The following MMP26 variants were observed in gnomAD, a reference collection of about 807,000 sequenced individuals.
MMP26 encodes matrix metalloproteinase-26.
MMP26 carries 33 observed loss-of-function variants against 31.0 expected under a neutral mutation model. That is an observed-to-expected ratio of 1.06 (90% CI 0.81 to 1.42). The LOEUF (loss-of-function observed/expected upper bound fraction) is 1.42. Ranked by LOEUF, MMP26 falls within the 40% of genes most tolerant of loss-of-function variation. The pLI is 0.00. For missense variants in MMP26, 347 were observed against 316.1 expected, an observed-to-expected ratio of 1.10 and a Z score of -0.74; for synonymous variants, 122 against 114.9, an observed-to-expected ratio of 1.06 and a Z score of -0.40.
At chr11:4,906,629 A>G (rs1850893770) in intron 2 of MMP26, among the ~76,000 whole-genome samples, 1 of 152,166 alleles carries the variant, frequency 6.6e-6, no homozygotes, top group African/African-American at 2.4e-5. Flanking sequence ...TTATTTTCTT[A>G]GACTATTTCT....
At chr11:4,847,491 A>G (rs1849888808) in intron 2 of MMP26, 2 of 152,228 alleles carry the variant, frequency 1.3e-5, no homozygotes, top group African/African-American at 4.8e-5. Flanking sequence ...TTTTAAACTG[A>G]CAATAATTAT....
At chr11:4,905,784 C>T (rs1325026817) in intron 2 of MMP26, among the ~76,000 whole-genome samples, 4 of 151,972 alleles carry the variant, frequency 2.6e-5, no homozygotes, top group Non-Finnish European at 5.9e-5. Flanking sequence ...TACCTGTTTA[C>T]CTTGAAGGCC....
intron 2 of MMP26, among the ~76,000 whole-genome samples, chr11:4,835,756 G>A (rs1849710326): frequency 6.6e-6 from 1 of 152,246 alleles, no homozygotes; most frequent in South Asian, 2.1e-4. Context: ...GCAGCTTTCT[G>A]TCTATAAAAT....
chr11:4,931,197 C>T lies in MMP26; in HGVS notation c.-144-56871C>T, dbSNP rs148287465. ...TCTATGACTGGATGAGTATGAAGAG[C>T]AAAGTGAGACAGGGTTCTGGAAGGG... On this transcript the variant is annotated intron_variant, in intron 2 of 7. Coordinates refer to ENST00000380390, the MANE Select transcript of MMP26 (RefSeq NM_021801.5). Among the ~76,000 whole-genome samples, 229 of 152,110 alleles carry T rather than the reference C, an allele frequency of 1.5e-3. 1 individual carries two copies. The highest frequency in any genetic ancestry group is 0.014 in the Middle Eastern group (4 of 294).
At chr11:4,945,785 T>A (rs1589947221) in intron 2 of MMP26, 1 of 279,806 alleles carries the variant, frequency 3.6e-6, no homozygotes, top group East Asian at 1.0e-4. Flanking sequence ...TTAAAATGGA[T>A]AAAGAGACAG....
intron 2 of MMP26, among the ~76,000 whole-genome samples, chr11:4,798,049 T>C (rs1361593130): frequency 6.6e-6 from 1 of 152,230 alleles, no homozygotes; most frequent in Non-Finnish European, 1.5e-5. Flanking sequence ...TTTCTGCATA[T>C]TGACCTGTGG....
rs144187801 is a variant in MMP26, at chr11:4,725,173, G to A, written c.-217+20128G>A. 1.2e-4 allele frequency among the ~76,000 whole-genome samples: 19 copies of A among 152,278 alleles called. No homozygotes were observed. The East Asian group carries it at 3.5e-3, about 28-fold the overall frequency. ...TTTCCTGAGGCCTGCCCAGCACCATGCTTCCTGTAGAACCTGCAGAACCAT... is the reference window on the plus strand; with the variant it reads ...TTTCCTGAGGCCTGCCCAGCACCATACTTCCTGTAGAACCTGCAGAACCAT... On this transcript the variant is annotated intron_variant, in intron 1 of 7. Coordinates refer to ENST00000380390, the MANE Select transcript of MMP26 (RefSeq NM_021801.5).
intron 1 of MMP26, among the ~76,000 whole-genome samples, chr11:4,738,645 T>A (rs1015297912): frequency 5.9e-5 from 9 of 152,230 alleles, no homozygotes; most frequent in African/African-American, 2.2e-4. Context: ...ATTATGGAAT[T>A]GTCAGCCTTT....
chr11:4,834,185 A>G (rs570568035), intron 2 of MMP26, among the ~76,000 whole-genome samples: 87 of 152,144 alleles, frequency 5.7e-4, no homozygotes, highest in Non-Finnish European at 1.0e-3. Flanking sequence ...TTAACATTGC[A>G]GATACATAAG....
chr11:4,766,195 G>A (rs1848626779), intron 1 of MMP26, among the ~76,000 whole-genome samples: 1 of 152,018 alleles, frequency 6.6e-6, no homozygotes. Context: ...ATCTTACTAG[G>A]CCCAGCACAT....
chr11:4,710,745 G>A, intron 1 of MMP26: 1 of 232,232 alleles, frequency 4.3e-6, no homozygotes, highest in South Asian at 6.6e-5. Flanking sequence ...GCACAGTATA[G>A]GACCACAGTT....
intron 2 of MMP26, among the ~76,000 whole-genome samples, chr11:4,975,888 C>T (rs981261001): frequency 2.0e-5 from 3 of 152,024 alleles, no homozygotes; most frequent in Non-Finnish European, 2.9e-5. Context: ...ATTTAATCAA[C>T]GTACACTTTT....
intron 1 of MMP26, among the ~76,000 whole-genome samples, chr11:4,744,428 T>C (rs925107801): frequency 6.6e-6 from 1 of 152,202 alleles, no homozygotes; most frequent in Non-Finnish European, 1.5e-5. Flanking sequence ...TTAAAGACAA[T>C]TCTCTTCCTG....
At chr11:4,857,553 T>C (rs1170407309) in intron 2 of MMP26, among the ~76,000 whole-genome samples, 2 of 152,072 alleles carry the variant, frequency 1.3e-5, no homozygotes, top group Non-Finnish European at 2.9e-5. Context: ...AATAGACCAA[T>C]AACAGGCTCT....
At chr11:4,712,280 A>G (rs1847871945) in intron 1 of MMP26, 1 of 152,188 alleles carries the variant, frequency 6.6e-6, no homozygotes, top group African/African-American at 2.4e-5. Flanking sequence ...ATCTGACTAA[A>G]CATATCTAAA....
At chr11:4,734,401 A>G (rs537177369) in intron 1 of MMP26, among the ~76,000 whole-genome samples, 116 of 152,108 alleles carry the variant, frequency 7.6e-4, no homozygotes, top group South Asian at 1.2e-3. Flanking sequence ...TCTAATCTAA[A>G]CATTCTTTTA....
intron 2 of MMP26, chr11:4,803,641 T>C (rs1849215601): frequency 1.2e-6 from 2 of 1,613,642 alleles, no homozygotes; most frequent in African/African-American, 2.7e-5. Context: ...GACACAGATA[T>C]GGGAGGAACG....
At chr11:4,882,901 G>C (rs761650442) in intron 2 of MMP26, 1 of 1,592,348 alleles carries the variant, frequency 6.3e-7, no homozygotes, top group Non-Finnish European at 8.6e-7. Flanking sequence ...AAATTGTCAG[G>C]ACACGAATTA....
chr11:4,968,719 T>C (rs963534562), intron 2 of MMP26, among the ~76,000 whole-genome samples: 27 of 151,966 alleles, frequency 1.8e-4, no homozygotes, highest in Admixed American at 1.2e-3. Flanking sequence ...GTCATTTTTG[T>C]CTTGCATCTG....
Sources: gnomAD v4.1 joint callset for allele counts (sites outside exome capture counted in the v4.1 genomes callset) on GRCh38, gnomAD v4.1.1 for gene constraint, MANE v1.5 for transcripts, NCBI Gene and HGNC (gene_info 2026-07-23, HGNC 2026-07-21) for gene names.